Variants in WNT2 observed in about 807,000 individuals in gnomAD.
WNT2 encodes the protein Wnt family member 2.
WNT2 carries 12 observed loss-of-function variants against 36.9 expected under a neutral mutation model. The ratio of observed to expected loss-of-function variants is 0.33; its 90% CI spans 0.21 to 0.53. The LOEUF (loss-of-function observed/expected upper bound fraction) is 0.53. Among genes scored for constraint, WNT2 ranks in the 20% least tolerant of loss-of-function variants. The probability of loss-of-function intolerance (pLI) is 0.95; values close to 1 mark genes in which losing one functional copy is unlikely to be tolerated. For synonymous variants in WNT2, 163 were observed against 174.6 expected (o/e 0.93, Z 0.52); for missense variants, 379 against 473.1 (o/e 0.80, Z 1.84).
rs201026179 is a variant in WNT2 at position 117,278,287 on chromosome 7, A to G, written c.951T>C (p.His317=). 8 of 1,614,220 alleles carry G rather than the reference A, an allele frequency of 5.0e-6. No homozygotes were observed. The highest frequency in any genetic ancestry group is 2.2e-5 in the East Asian group (1 of 44,872). The change falls in exon 5 of 5, where the codon CAT becomes CAC. Residue 317 remains histidine (H), a synonymous_variant. Transcript: ENST00000265441. The part of the protein sequence containing the change: ...MCCGRGYDTS[H]VTRMTKCGCK... ...ACCCACACTTGGTCATCCGGGTGAC[A>G]TGGGAGGTGTCGTAGCCTCTCCCAC... is the stretch of plus-strand genomic sequence containing the variant.
intron 2 of WNT2, among the ~76,000 whole-genome samples, chr7:117,316,276 A>G (rs1470657311): frequency 6.6e-6 from 1 of 152,242 alleles, no homozygotes; most frequent in African/African-American, 2.4e-5. Context: ...TATTTTAATA[A>G]TCTGTAGTAA....
chr7:117,315,323 A>C lies in WNT2; in HGVS notation c.336T>G (p.Tyr112Ter), dbSNP rs768958481. 1 of 1,613,948 alleles carries C rather than the reference A, an allele frequency of 6.2e-7. No homozygotes were observed. The highest frequency in any genetic ancestry group is 1.7e-5 in the Admixed American group (1 of 59,992). ...LRSSRESAFV[Y>*]AISSAGVVFA... ...ATACAACTCCAGCTGAGGAGATGGCATAAACAAAGGCAGATTCCCGACTAC... is the reference window on the plus strand; with the variant it reads ...ATACAACTCCAGCTGAGGAGATGGCCTAAACAAAGGCAGATTCCCGACTAC... The change falls in exon 3 of 5, where the codon TAT (tyrosine) becomes TAG (stop). Residue 112 changes from tyrosine (Y) to a stop codon, truncating the protein, a stop_gained. Transcript: ENST00000265441. LOFTEE classifies it high-confidence loss of function.
intron 4 of WNT2, among the ~76,000 whole-genome samples, chr7:117,288,171 A>C (rs922869309): frequency 6.6e-6 from 1 of 152,214 alleles, no homozygotes; most frequent in Non-Finnish European, 1.5e-5. Flanking sequence ...GCACATTTTT[A>C]AATGATAGAA....
chr7:117,310,629 A>G (rs1204132790), intron 3 of WNT2, among the ~76,000 whole-genome samples: 1 of 147,294 alleles, frequency 6.8e-6, no homozygotes, highest in East Asian at 2.0e-4. Context: ...TCTGGCTGGG[A>G]CTCAAATTTC....
intron 4 of WNT2, among the ~76,000 whole-genome samples, chr7:117,294,381 C>T (rs545059560): frequency 6.6e-6 from 1 of 152,288 alleles, no homozygotes; most frequent in African/African-American, 2.4e-5. Flanking sequence ...CTTGTGCTTG[C>T]ATAATATCAA....
chr7:117,301,051 T>TG (rs1326844117), intron 3 of WNT2: 1 of 151,770 alleles, frequency 6.6e-6, no homozygotes, highest in Non-Finnish European at 1.5e-5. Flanking sequence ...TTTCCTCCTT[T>TG]TTTTAGTGCC....
chr7:117,304,711 C>T (rs1008669578), intron 3 of WNT2, among the ~76,000 whole-genome samples: 2 of 152,232 alleles, frequency 1.3e-5, no homozygotes, highest in East Asian at 3.8e-4. Flanking sequence ...GCTGGGATTA[C>T]AGGCGTGAGC....
intron 2 of WNT2, among the ~76,000 whole-genome samples, chr7:117,317,890 A>G (rs1795250043): frequency 6.6e-6 from 1 of 152,198 alleles, no homozygotes; most frequent in Non-Finnish European, 1.5e-5. Context: ...TTTGCTTTAT[A>G]AGAAAATATT....
In WNT2 at chr7:117,277,560, A is replaced by ACATTT. The variant is rs1295714087; in HGVS notation, c.*590_*594dup. 1 of 154,264 alleles carries ACATTT rather than the reference A, an allele frequency of 6.5e-6. No individual in the cohort carries two copies. The highest frequency in any genetic ancestry group is 2.4e-5 in the African/African-American group (1 of 41,466). 9.6% of individuals were successfully genotyped at this position (154,264 alleles called of 1,614,324 possible). A position where few individuals can be genotyped will look rare whatever the true frequency, so the allele number is the denominator to read the frequency against. On this transcript the variant is annotated 3_prime_UTR_variant, in exon 5 of 5. Transcript: ENST00000265441. ...TGGCAATAAATGCCTTGAAAAATAC[A>ACATTT]CATTTTAAACTTAAAAGGGTATTGA...
At chr7:117,283,835 C>T (rs1422591717) in intron 4 of WNT2, among the ~76,000 whole-genome samples, 1 of 152,220 alleles carries the variant, frequency 6.6e-6, no homozygotes. Flanking sequence ...CCACTCTCCA[C>T]CGGCTGCCCA....
chr7:117,287,745 T>C (rs892510024), intron 4 of WNT2, among the ~76,000 whole-genome samples: 7 of 152,154 alleles, frequency 4.6e-5, no homozygotes, highest in African/African-American at 1.7e-4. Flanking sequence ...ATCAGCACTT[T>C]GGGAGGTCAA....
At chr7:117,290,327 A>C (rs1488841763) in intron 4 of WNT2, among the ~76,000 whole-genome samples, 1 of 152,204 alleles carries the variant, frequency 6.6e-6, no homozygotes, top group Non-Finnish European at 1.5e-5. Flanking sequence ...GGAAAAGCAG[A>C]GGAGTGTAGT....
chr7:117,290,841 T>C (rs3779548), intron 4 of WNT2, among the ~76,000 whole-genome samples: 72,057 of 152,030 alleles, frequency 0.47, 17,405 homozygotes, highest in Middle Eastern at 0.57. Context: ...ATTATAAGAG[T>C]GTCTGGCACA....
At chr7:117,309,720 C>T (rs1423279409) in intron 3 of WNT2, among the ~76,000 whole-genome samples, 2 of 152,104 alleles carry the variant, frequency 1.3e-5, no homozygotes, top group Non-Finnish European at 2.9e-5. Flanking sequence ...AGGGCCTTAT[C>T]CTCCATAATG....
intron 4 of WNT2, among the ~76,000 whole-genome samples, chr7:117,296,645 C>T (rs774508098): frequency 2.1e-4 from 32 of 152,096 alleles, no homozygotes; most frequent in Non-Finnish European, 4.3e-4. Context: ...AGAATCTTTA[C>T]AAAGAATGAG....
rs1279649151 is a variant in WNT2 at position 117,277,896 on chromosome 7, C to T, written c.*259G>A. 7.8e-6 allele frequency: 4 copies of T among 510,760 alleles called. No homozygotes were observed. The highest frequency in any genetic ancestry group is 1.4e-5 in the Non-Finnish European group (4 of 283,354). 31.6% of individuals were successfully genotyped at this position (510,760 alleles called of 1,614,324 possible). A position where few individuals can be genotyped will look rare whatever the true frequency, so the allele number is the denominator to read the frequency against. On this transcript the variant is annotated 3_prime_UTR_variant, in exon 5 of 5. Transcript: ENST00000265441. ...CCACCCTCCCGGCTGAACAGCCTGT[C>T]ATGCTATTTCCAAAGAGAACTCGCC...
Position 117,277,675 on chromosome 7 carries a change from A to G in WNT2, c.*480T>C, listed in dbSNP as rs1005176915. On this transcript the variant is annotated 3_prime_UTR_variant, in exon 5 of 5. Coordinates refer to ENST00000265441, the MANE Select transcript of WNT2 (RefSeq NM_003391.3). The stretch of plus-strand genomic sequence containing the variant: ...CAGACAAAAGTCTTGGTCTTTTCAA[A>G]AGTTAAAGTTAAGTCAGGGGCAGTT... 6.2e-6 allele frequency: 1 copy of G among 161,236 alleles called. No individual in the cohort carries two copies. The highest frequency in any genetic ancestry group is 2.4e-5 in the African/African-American group (1 of 41,604). 10.0% of individuals were successfully genotyped at this position (161,236 alleles called of 1,614,324 possible).
intron 4 of WNT2, among the ~76,000 whole-genome samples, chr7:117,295,421 G>A (rs1054789199): frequency 6.6e-5 from 10 of 152,184 alleles, no homozygotes; most frequent in African/African-American, 2.2e-4. Flanking sequence ...TTGAAAAAGC[G>A]GAGTACGCAA....
chr7:117,287,077 G>C (rs767000994), intron 4 of WNT2, among the ~76,000 whole-genome samples: 1 of 152,120 alleles, frequency 6.6e-6, no homozygotes. Flanking sequence ...GGCCGGGCAC[G>C]GTGGCTCACA....
Sources: gnomAD v4.1 joint callset for allele counts (sites outside exome capture counted in the v4.1 genomes callset) on GRCh38, gnomAD v4.1.1 for gene constraint, MANE v1.5 for transcripts, NCBI Gene and HGNC (gene_info 2026-07-23, HGNC 2026-07-21) for gene names.